CDKAL1: variants seen among roughly 807,000 people sequenced by gnomAD.
CDKAL1 encodes the protein CDKAL1 threonylcarbamoyladenosine tRNA methylthiotransferase.
In CDKAL1, 32 loss-of-function variants were observed where a neutral mutation model predicts 68.2. The observed-to-expected ratio is 0.47, with a 90% CI of 0.35 to 0.63. CDKAL1 has a LOEUF of 0.63. Among genes scored for constraint, CDKAL1 ranks in the 30% least tolerant of loss-of-function variants. The pLI, the probability that CDKAL1 is intolerant of heterozygous loss-of-function variation, is 0.00. For missense variants in CDKAL1, 606 were observed against 696.7 expected (o/e 0.87, Z 1.47); for synonymous variants, 234 against 244.3 (o/e 0.96, Z 0.39).
chr6:21,182,047 C>T (rs528730483), intron 13 of CDKAL1, among the ~76,000 whole-genome samples: 1 of 152,302 alleles, frequency 6.6e-6, no homozygotes, highest in East Asian at 1.9e-4. Context: ...ATCTAACTTA[C>T]ACAGTATCCT....
intron 9 of CDKAL1, among the ~76,000 whole-genome samples, chr6:20,900,196 A>G (rs938227804): frequency 6.6e-6 from 1 of 152,192 alleles, no homozygotes; most frequent in Admixed American, 6.5e-5. Flanking sequence ...TGGCACATAG[A>G]TGCTACCTTA....
At chr6:20,851,074 G>C (rs1162035502) in intron 9 of CDKAL1, among the ~76,000 whole-genome samples, 1 of 151,364 alleles carries the variant, frequency 6.6e-6, no homozygotes, top group African/African-American at 2.4e-5. Flanking sequence ...CCTTCTCAGT[G>C]TGTGTTTTAT....
intron 4 of CDKAL1, among the ~76,000 whole-genome samples, chr6:20,557,751 AC>A (rs1344453425): frequency 6.6e-6 from 1 of 152,094 alleles, no homozygotes; most frequent in African/African-American, 2.4e-5. Context: ...ACATGGTGAA[AC>A]CCCATCTCTA....
At chr6:20,858,441 C>A (rs1251945585) in intron 9 of CDKAL1, among the ~76,000 whole-genome samples, 1 of 152,044 alleles carries the variant, frequency 6.6e-6, no homozygotes, top group African/African-American at 2.4e-5. Flanking sequence ...CTTCCTTATC[C>A]ATGTCTTAAT....
intron 5 of CDKAL1, among the ~76,000 whole-genome samples, chr6:20,735,510 A>G (rs77004213): frequency 0.011 from 1,649 of 151,688 alleles, 28 homozygotes; most frequent in African/African-American, 0.036. Context: ...TGATTCAGTT[A>G]CCTCCCACTG....
chr6:21,143,524 T>C (rs1442834428), intron 13 of CDKAL1, among the ~76,000 whole-genome samples: 1 of 152,208 alleles, frequency 6.6e-6, no homozygotes, highest in Non-Finnish European at 1.5e-5. Context: ...ATTGACTTGA[T>C]GTGGTTTGGG....
In CDKAL1 at chr6:21,029,199, C is replaced by G. The variant is rs1263100123; in HGVS notation, c.1055+28827C>G. Among the ~76,000 whole-genome samples the G allele has an allele frequency of 2.6e-5, 4 of 152,120 alleles. No individual in the cohort carries two copies. The South Asian group carries it at 8.3e-4, about 31-fold the overall frequency. ...AGTAGCTGGGACTACAGACAGGTGCCACCACATCTGGCTAATTTTTTATTT... is the reference window on the plus strand; with the variant it reads ...AGTAGCTGGGACTACAGACAGGTGCGACCACATCTGGCTAATTTTTTATTT... On this transcript the variant is annotated intron_variant, in intron 11 of 15. Coordinates refer to ENST00000274695, the MANE Select transcript of CDKAL1 (RefSeq NM_017774.3).
At chr6:20,886,226 A>G (rs1761061073) in intron 9 of CDKAL1, among the ~76,000 whole-genome samples, 2 of 152,364 alleles carry the variant, frequency 1.3e-5, no homozygotes, top group African/African-American at 4.8e-5. Context: ...TAAAAACAAA[A>G]TAGAAACTAA....
chr6:20,757,723 C>G (rs1044282936), intron 6 of CDKAL1, among the ~76,000 whole-genome samples: 1 of 152,134 alleles, frequency 6.6e-6, no homozygotes, highest in East Asian at 1.9e-4. Context: ...GTTATGATTT[C>G]TTTCAACTGA....
chr6:21,098,071 T>C (rs985195214), intron 12 of CDKAL1, among the ~76,000 whole-genome samples: 4 of 152,228 alleles, frequency 2.6e-5, no homozygotes, highest in Admixed American at 6.5e-5. Flanking sequence ...TCCAGCTTTC[T>C]TTCTGTCTCA....
intron 4 of CDKAL1, among the ~76,000 whole-genome samples, chr6:20,636,623 A>G (rs949123652): frequency 1.3e-5 from 2 of 152,184 alleles, no homozygotes; most frequent in African/African-American, 4.8e-5. Context: ...CATCTAGTAC[A>G]CAGAAGAGAA....
At chr6:20,878,666 G>A (rs867549727) in intron 9 of CDKAL1, among the ~76,000 whole-genome samples, 2 of 152,092 alleles carry the variant, frequency 1.3e-5, no homozygotes, top group South Asian at 2.1e-4. Flanking sequence ...CGGGGAGTGG[G>A]CGGAGGTTGC....
intron 9 of CDKAL1, among the ~76,000 whole-genome samples, chr6:20,936,679 A>T (rs1763735456): frequency 1.3e-5 from 2 of 152,106 alleles, no homozygotes; most frequent in Non-Finnish European, 2.9e-5. Context: ...TGAGTTTCTA[A>T]TTGCAAATAC....
intron 8 of CDKAL1, among the ~76,000 whole-genome samples, chr6:20,815,948 C>T (rs766323467): frequency 6.6e-5 from 10 of 152,158 alleles, no homozygotes; most frequent in Non-Finnish European, 1.2e-4. Context: ...ACCAGAAACC[C>T]GAAATCAAGG....
chr6:21,015,753 C>A (rs1170566621), intron 11 of CDKAL1, among the ~76,000 whole-genome samples: 1 of 151,806 alleles, frequency 6.6e-6, no homozygotes, highest in African/African-American at 2.4e-5. Flanking sequence ...GTGACAAAAC[C>A]ACATCTCTAC....
chr6:20,690,412 C>G (rs377022693), intron 5 of CDKAL1, among the ~76,000 whole-genome samples: 104 of 151,988 alleles, frequency 6.8e-4, no homozygotes, highest in Admixed American at 1.8e-3. Flanking sequence ...GTGGAATTTT[C>G]GGTCACAGAA....
At chr6:20,836,679 A>ATTATTCTTTATATATAT (rs1777961365) in intron 8 of CDKAL1, among the ~76,000 whole-genome samples, 1 of 152,172 alleles carries the variant, frequency 6.6e-6, no homozygotes, top group South Asian at 2.1e-4. Context: ...AATTCTTTAT[A>ATTATTCTTTATATATAT]AAGGAATATA....
rs144955142 is a variant in CDKAL1 at position 21,011,081 on chromosome 6, C to CA, written c.1055+10725dup. 9.7e-3 allele frequency among the ~76,000 whole-genome samples: 431 copies of CA among 44,478 alleles called. 2 individuals are homozygous for CA. The highest frequency in any genetic ancestry group is 0.014 in the South Asian group (21 of 1,470). The allele number at this position is 44,478 out of a possible 152,430, so 29.2% of individuals were successfully genotyped here. ...TGGGTGACAGAGTGAGTCTCCATCT[C>CA]AAAAAAAAAAAAAAAAGCCAGGCAC... is the stretch of plus-strand genomic sequence containing the variant. On this transcript the variant is annotated intron_variant, in intron 11 of 15. Coordinates refer to ENST00000274695, the MANE Select transcript of CDKAL1 (RefSeq NM_017774.3).
chr6:20,947,119 T>A (rs185363947), intron 9 of CDKAL1, among the ~76,000 whole-genome samples: 1 of 152,110 alleles, frequency 6.6e-6, no homozygotes, highest in East Asian at 1.9e-4. Flanking sequence ...AATGAATGAA[T>A]GATGTTTTAT....
Sources: allele counts gnomAD v4.1 joint callset (sites outside exome capture counted in the v4.1 genomes callset), GRCh38; gene constraint gnomAD v4.1.1; transcripts MANE v1.5; gene names NCBI Gene and HGNC (gene_info 2026-07-23, HGNC 2026-07-21).